The following DISC1 variants were observed in gnomAD, a reference collection of about 807,000 sequenced individuals.
The protein encoded by DISC1 is DISC1 scaffold protein.
DISC1 carries 57 observed loss-of-function variants against 84.5 expected under a neutral mutation model. The ratio of observed to expected loss-of-function variants is 0.67; its 90% confidence interval spans 0.55 to 0.84. The LOEUF is 0.84. Ranked by LOEUF, DISC1 falls within the 40% of genes least tolerant of loss-of-function variation. The pLI, the probability that DISC1 is intolerant of heterozygous loss-of-function variation, is 0.00. For missense variants in DISC1, 1,000 were observed against 1,057.8 expected (o/e 0.95, Z 0.76); for synonymous variants, 411 against 415.2 (o/e 0.99, Z 0.12).
At position 232,001,888 on chromosome 1, in the gene DISC1, A is replaced by G. The variant is rs532139119; in HGVS notation, c.2043-6897A>G. ...AGTAAAAGGAAACATTGATAAACTG[A>G]ACCTCTTTGAAGTAAAACCTTTTGC... On this transcript the variant is annotated intron_variant, in intron 10 of 12. Transcript: ENST00000439617. 2.0e-5 allele frequency among the ~76,000 whole-genome samples: 3 copies of G among 152,340 alleles called. No individual in the cohort carries two copies. The East Asian group carries it at 5.8e-4, about 29-fold the overall frequency.
intron 9 of DISC1, among the ~76,000 whole-genome samples, chr1:231,934,239 C>G (rs2090846470): frequency 6.6e-6 from 1 of 152,202 alleles, no homozygotes; most frequent in African/African-American, 2.4e-5. Context: ...GTCTGCATCT[C>G]CTTCCTCTCC....
chr1:231,896,518 C>T (rs1214981920), intron 9 of DISC1, among the ~76,000 whole-genome samples: 1 of 152,124 alleles, frequency 6.6e-6, no homozygotes, highest in Non-Finnish European at 1.5e-5. Context: ...GTTCTCCCTT[C>T]TTCTAAAAAT....
At chr1:231,767,022 TC>T in intron 4 of DISC1, 117 bp from the exon 5 acceptor site, 1 of 1,339,414 alleles carries the variant, frequency 7.5e-7, no homozygotes, top group South Asian at 1.3e-5. Context: ...GTAAGTACCC[TC>T]CTAAGTATGA....
At chr1:231,992,923 C>A (rs6662420) in intron 10 of DISC1, among the ~76,000 whole-genome samples, 1 of 152,014 alleles carries the variant, frequency 6.6e-6, no homozygotes, top group East Asian at 1.9e-4. Flanking sequence ...AAAATGAATA[C>A]GAAATATTCC....
intron 9 of DISC1, among the ~76,000 whole-genome samples, chr1:231,950,786 G>T (rs1037227688): frequency 6.6e-6 from 1 of 152,138 alleles, no homozygotes; most frequent in Non-Finnish European, 1.5e-5. Flanking sequence ...ATAAGCACTC[G>T]CCACATAGCA....
At chr1:232,003,974 G>A (rs1194541928) in intron 10 of DISC1, among the ~76,000 whole-genome samples, 1 of 151,548 alleles carries the variant, frequency 6.6e-6, no homozygotes, top group East Asian at 1.9e-4. Context: ...AGGCCCACAA[G>A]TGTTTGTTAA....
intron 10 of DISC1, among the ~76,000 whole-genome samples, chr1:231,966,732 C>G (rs983806221): frequency 6.6e-6 from 1 of 152,214 alleles, no homozygotes; most frequent in South Asian, 2.1e-4. Context: ...CTCTTGAGCA[C>G]TTGGTAGATT....
At chr1:231,635,050 C>A (rs972719436) in intron 1 of DISC1, among the ~76,000 whole-genome samples, 2 of 152,098 alleles carry the variant, frequency 1.3e-5, no homozygotes, top group Non-Finnish European at 2.9e-5. Context: ...ACCTAGGATG[C>A]CTCTTCAGAA....
At chr1:231,922,778 G>A (rs577094987) in intron 9 of DISC1, among the ~76,000 whole-genome samples, 1 of 152,138 alleles carries the variant, frequency 6.6e-6, no homozygotes, top group African/African-American at 2.4e-5. Flanking sequence ...GGCCTTTTGA[G>A]CCCAGCTCCC....
At chr1:231,815,121 C>G (rs550143532) in intron 8 of DISC1, 47 of 151,922 alleles carry the variant, frequency 3.1e-4, no homozygotes, top group Admixed American at 2.8e-3. Flanking sequence ...TTATGGGACA[C>G]TCATTAATGT....
At position 231,831,047 on chromosome 1, in the gene DISC1, G is replaced by A. The variant is rs148840976; in HGVS notation, c.1981+12530G>A. On this transcript the variant is annotated intron_variant, in intron 9 of 12. Transcript: ENST00000439617. ...GTCTGACAGAAGGGAAGAAATGACT[G>A]CAGTGGCCTTCTCGGACCCTGTAGG... 5.2e-3 allele frequency among the ~76,000 whole-genome samples: 784 copies of A among 151,942 alleles called. 10 individuals are homozygous for A. The highest frequency in any genetic ancestry group is 0.018 in the African/African-American group (740 of 41,248).
In DISC1 at chr1:231,959,297, T is replaced by C; in HGVS notation, c.2042+409T>C. 7 of 986,254 alleles carry C rather than the reference T, an allele frequency of 7.1e-6. No individual in the cohort carries two copies. The South Asian group carries it at 3.3e-4, about 46-fold the overall frequency. The allele number at this position is 986,254 out of a possible 1,614,324, so 61.1% of individuals were successfully genotyped here. On this transcript the variant is annotated intron_variant, in intron 10 of 12. Transcript: ENST00000439617. ...ATAGAAATGCACGTCTTAGGTTCTG[T>C]TTTGAATCCTGAATCAAAACCAGCA...
intron 8 of DISC1, among the ~76,000 whole-genome samples, chr1:231,803,940 C>A (rs2079495491): frequency 9.7e-6 from 1 of 102,608 alleles, no homozygotes; most frequent in African/African-American, 4.0e-5. Flanking sequence ...GAGCAAGACT[C>A]CGTCTCAAAA....
At chr1:231,892,061 GC>G (rs1045265278) in intron 9 of DISC1, among the ~76,000 whole-genome samples, 1 of 152,038 alleles carries the variant, frequency 6.6e-6, no homozygotes, top group African/African-American at 2.4e-5. Context: ...AGAGTCTCCT[GC>G]CCCCCCACCA....
chr1:231,636,259 A>C (rs1172355261), intron 1 of DISC1, among the ~76,000 whole-genome samples: 1 of 152,200 alleles, frequency 6.6e-6, no homozygotes, highest in Non-Finnish European at 1.5e-5. Context: ...ACTTTCACCC[A>C]CATTTTCTCC....
chr1:231,845,188 T>C (rs1010172105), intron 9 of DISC1, among the ~76,000 whole-genome samples: 17 of 152,304 alleles, frequency 1.1e-4, no homozygotes, highest in African/African-American at 3.4e-4. Context: ...GGTTAAATTT[T>C]AGAGTTCTCT....
chr1:231,913,588 G>A (rs1260160188), intron 9 of DISC1, among the ~76,000 whole-genome samples: 2 of 152,214 alleles, frequency 1.3e-5, no homozygotes, highest in Non-Finnish European at 2.9e-5. Flanking sequence ...GAGGGTGATA[G>A]CCTCTTTACA....
intron 9 of DISC1, among the ~76,000 whole-genome samples, chr1:231,916,028 G>A (rs2089596882): frequency 6.6e-6 from 1 of 152,158 alleles, no homozygotes; most frequent in African/African-American, 2.4e-5. Flanking sequence ...GCTTTTACAG[G>A]ATTACGAAGA....
intron 11 of DISC1, among the ~76,000 whole-genome samples, chr1:232,015,831 A>G (rs1668445288): frequency 6.6e-6 from 1 of 151,980 alleles, no homozygotes; most frequent in Admixed American, 6.6e-5. Flanking sequence ...TTTGCCAGCC[A>G]TTGGTCATTC....
Sources: allele counts gnomAD v4.1 joint callset (sites outside exome capture counted in the v4.1 genomes callset), GRCh38; gene constraint gnomAD v4.1.1; transcripts MANE v1.5; gene names NCBI Gene and HGNC (gene_info 2026-07-23, HGNC 2026-07-21).